The following IGFBP6 variants were observed in gnomAD, a reference collection of about 807,000 sequenced individuals.
IGFBP6 encodes insulin like growth factor binding protein 6.
A neutral mutation model predicts 24.5 loss-of-function variants in IGFBP6; 24 were observed. The observed-to-expected ratio is 0.98, with a 90% confidence interval of 0.71 to 1.38. The LOEUF is 1.38. Ranked by LOEUF, IGFBP6 falls within the 40% of genes most tolerant of loss-of-function variation. The pLI is 0.00. For missense variants in IGFBP6, 331 were observed against 324.8 expected (o/e 1.02, Z -0.15); for synonymous variants, 147 against 137.4 (o/e 1.07, Z -0.49).
intron 1 of IGFBP6, among the ~76,000 whole-genome samples, chr12:53,099,761 T>G (rs1221940957): frequency 6.6e-6 from 1 of 151,874 alleles, no homozygotes; most frequent in Non-Finnish European, 1.5e-5. Context: ...GTTAATTTTT[T>G]AAAATTAAGT....
chr12:53,101,914 A>C, intron 3 of IGFBP6, 131 bp from the exon 4 acceptor site: 1 of 805,112 alleles, frequency 1.2e-6, no homozygotes, highest in South Asian at 2.0e-5. Context: ...AAAAAAAAAA[A>C]AAAAAAAAAA....
At chr12:53,102,004 G>T in intron 3 of IGFBP6, 41 bp from the exon 4 acceptor site, 1 of 1,578,394 alleles carries the variant, frequency 6.3e-7, no homozygotes. Flanking sequence ...CCTGCTGGAA[G>T]CCTCTGGCCT....
chr12:53,100,605 G>A, intron 1 of IGFBP6, 107 bp from the exon 2 acceptor site: 1 of 1,013,582 alleles, frequency 9.9e-7, no homozygotes, highest in Admixed American at 2.0e-5. Flanking sequence ...TGCAACAGCG[G>A]GGCATAAGGC....
intron 3 of IGFBP6, among the ~76,000 whole-genome samples, chr12:53,101,822 C>T (rs1937832119): frequency 7.1e-6 from 1 of 140,468 alleles, no homozygotes. Flanking sequence ...TTGCTTGAAC[C>T]TGGGAGGTGG....
chr12:53,098,436 ATGT>A (rs1043392271), intron 1 of IGFBP6, among the ~76,000 whole-genome samples: 74 of 152,150 alleles, frequency 4.9e-4, no homozygotes, highest in African/African-American at 1.6e-3. Flanking sequence ...AAGGACCCAA[ATGT>A]TGTTCTCAGC....
In IGFBP6 at chr12:53,097,970, C is replaced by T. The variant is rs1240338107; in HGVS notation, c.253C>T (p.His85Tyr). The change falls in exon 1 of 4, where the codon CAT (histidine) becomes TAT (tyrosine). Residue 85 changes from histidine to tyrosine, a missense_variant. Transcript: ENST00000301464. ...TPNCAPGLQC[H>Y]PPKDDEAPLR... The stretch of plus-strand genomic sequence containing the variant: ...TAACTGCGCCCCAGGACTGCAGTGC[C>T]ATCCGCCCAAGGACGACGAGGCGCC... 2 of 1,517,690 alleles carry T rather than the reference C, an allele frequency of 1.3e-6. No individual in the cohort carries two copies. Among genetic ancestry groups the T allele is most frequent in the Non-Finnish European group, 8.8e-7 (1 of 1,138,772 alleles). 94.0% of individuals were successfully genotyped at this position (1,517,690 alleles called of 1,614,324 possible).
intron 1 of IGFBP6, 152 bp downstream of exon 1, chr12:53,098,203 G>C (rs962157031): frequency 1.0e-6 from 1 of 971,152 alleles, no homozygotes; most frequent in African/African-American, 1.7e-5. Flanking sequence ...TGGGGGAGAA[G>C]GGGCAAGTGC....
At chr12:53,099,953 G>T (rs1333758041) in intron 1 of IGFBP6, among the ~76,000 whole-genome samples, 1 of 150,850 alleles carries the variant, frequency 6.6e-6, no homozygotes, top group African/African-American at 2.4e-5. Flanking sequence ...CCGCCCCCCC[G>T]AGTTCAAGCG....
intron 1 of IGFBP6, among the ~76,000 whole-genome samples, chr12:53,099,945 G>GC (rs9658614): frequency 0.088 from 13,260 of 151,224 alleles, 759 homozygotes; most frequent in East Asian, 0.18. Flanking sequence ...TGCAACCTCC[G>GC]CCCCCCCGAG....
At chr12:53,099,346 G>C (rs944590905) in intron 1 of IGFBP6, 8 of 455,662 alleles carry the variant, frequency 1.8e-5, no homozygotes, top group Admixed American at 1.2e-4. Flanking sequence ...CTCATTCCTT[G>C]CACCTTCTTA....
rs532102566 is a variant in IGFBP6, at chr12:53,098,587, A to C, written c.334+536A>C. Among the ~76,000 whole-genome samples the C allele has an allele frequency of 2.6e-5, 4 of 152,306 alleles. 1 individual carries two copies. The South Asian group carries it at 8.3e-4, about 32-fold the overall frequency. ...CTAGAACCGAAGAGGCCCCAAATCCAGGGTTGTATTAGACTTGAGTAGGGA... is the reference window on the plus strand; with the variant it reads ...CTAGAACCGAAGAGGCCCCAAATCCCGGGTTGTATTAGACTTGAGTAGGGA... On this transcript the variant is annotated intron_variant, in intron 1 of 3. Transcript: ENST00000301464.
At chr12:53,098,714 G>C (rs925737387) in intron 1 of IGFBP6, among the ~76,000 whole-genome samples, 5 of 152,066 alleles carry the variant, frequency 3.3e-5, no homozygotes, top group Admixed American at 3.3e-4. Flanking sequence ...GCTCAGAATC[G>C]TTCACCCATC....
At chr12:53,099,214 G>A (rs1937786854) in intron 1 of IGFBP6, 1 of 433,740 alleles carries the variant, frequency 2.3e-6, no homozygotes, top group Admixed American at 2.5e-5. Flanking sequence ...GTCAGTACAT[G>A]CTCCCCTTTC....
At chr12:53,100,897 C>T in intron 2 of IGFBP6, 40 bp downstream of exon 2, 3 of 1,611,922 alleles carry the variant, frequency 1.9e-6, no homozygotes, top group South Asian at 1.1e-5. Context: ...GGGTGGGAAG[C>T]CCTGGAGACT....
Position 53,101,164 on chromosome 12 carries a change from A to C in IGFBP6, c.600+4A>C. ...AGGCTTCTACCGGAAGCGGCAGGTG[A>C]GACTATTTTTCTTCTCCTCCTGCTC... is the stretch of plus-strand genomic sequence containing the variant. On this transcript the variant is annotated splice_donor_region_variant and intron_variant, in intron 3 of 3. Transcript: ENST00000301464. 6.2e-7 allele frequency: 1 copy of C among 1,612,946 alleles called. No homozygotes were observed. The highest frequency in any genetic ancestry group is 1.1e-5 in the South Asian group (1 of 91,064).
Position 53,100,954 on chromosome 12 carries a change from G to C in IGFBP6, c.481-87G>C, listed in dbSNP as rs35271343. On this transcript the variant is annotated intron_variant, in intron 2 of 3. Coordinates refer to ENST00000301464, the MANE Select transcript of IGFBP6 (RefSeq NM_002178.3). ...GGGCTTGGAGACGTCTCCATTGTCT[G>C]TCCTGGGTGCTTGCCTGGTGGGCCA... is the stretch of plus-strand genomic sequence containing the variant. 22 of 1,604,662 alleles carry C rather than the reference G, an allele frequency of 1.4e-5. No individual in the cohort carries two copies. The East Asian group carries it at 4.9e-4, about 36-fold the overall frequency.
At chr12:53,099,703 TC>T (rs1937795447) in intron 1 of IGFBP6, among the ~76,000 whole-genome samples, 1 of 152,088 alleles carries the variant, frequency 6.6e-6, no homozygotes, top group Admixed American at 6.5e-5. Context: ...CTCCATTTTT[TC>T]ATTTATTTTA....
At chr12:53,101,949 T>G in intron 3 of IGFBP6, 96 bp from the exon 4 acceptor site, 2 of 651,462 alleles carry the variant, frequency 3.1e-6, no homozygotes, top group Non-Finnish European at 4.6e-6. Flanking sequence ...GAGGAGACGC[T>G]CAGGTGTTTT....
rs762063853 is a variant in IGFBP6, at chr12:53,102,209, T to C, written c.*42T>C. The stretch of plus-strand genomic sequence containing the variant: ...GGCTGCAGGGCCACTGGAAGGAACA[T>C]GGAGCTGTCATCACTCAACAAAAAA... On this transcript the variant is annotated 3_prime_UTR_variant, in exon 4 of 4. Coordinates refer to ENST00000301464, the MANE Select transcript of IGFBP6 (RefSeq NM_002178.3). The C allele has an allele frequency of 3.1e-6, 5 of 1,609,862 alleles. No homozygotes were observed. In the South Asian group the frequency reaches 5.5e-5, roughly 18 times the overall value.
Sources: allele counts gnomAD v4.1 joint callset (sites outside exome capture counted in the v4.1 genomes callset), GRCh38; gene constraint gnomAD v4.1.1; transcripts MANE v1.5; gene names NCBI Gene and HGNC (gene_info 2026-07-23, HGNC 2026-07-21).